The following ZNF451 variants were observed in gnomAD, a reference collection of about 807,000 sequenced individuals.
ZNF451 encodes zinc finger protein 451.
In ZNF451, 80 loss-of-function variants were observed where a neutral mutation model predicts 107.1. That is an observed-to-expected ratio of 0.75 (90% CI 0.62 to 0.90). ZNF451 has a LOEUF of 0.90. ZNF451 is among the 40% of genes least tolerant of loss of function. The pLI is 0.00. For synonymous variants in ZNF451, 362 were observed against 406.5 expected (o/e 0.89, Z 1.32); for missense variants, 1,107 against 1,236.2 (o/e 0.90, Z 1.57).
chr6:57,150,640 CT>C, intron 10 of ZNF451, 78 bp from the exon 11 acceptor site: 1 of 1,439,300 alleles, frequency 6.9e-7, no homozygotes, highest in Non-Finnish European at 9.4e-7. Flanking sequence ...TATTAGGCTT[CT>C]AATACTTTTT....
intron 6 of ZNF451, among the ~76,000 whole-genome samples, chr6:57,133,534 T>C (rs906768898): frequency 6.6e-6 from 1 of 152,190 alleles, no homozygotes; most frequent in Non-Finnish European, 1.5e-5. Flanking sequence ...AAGGAGCGTG[T>C]ACAGACATTT....
chr6:57,119,604 A>G (rs1830537952), intron 3 of ZNF451, among the ~76,000 whole-genome samples: 1 of 152,122 alleles, frequency 6.6e-6, no homozygotes, highest in Admixed American at 6.5e-5. Flanking sequence ...TTTTAGGTAC[A>G]CCATAAAATT....
chr6:57,168,479 T>C lies in ZNF451; in HGVS notation c.*10T>C, dbSNP rs375229400. 7 of 1,602,618 alleles carry C rather than the reference T, an allele frequency of 4.4e-6. No individual in the cohort carries two copies. In the South Asian group the frequency reaches 4.5e-5, roughly 10 times the overall value. ...TCTTGAGGAAATGTAATTAAAGATA[T>C]TACCACACAACATCAAGTGGCCTTG... is the stretch of plus-strand genomic sequence containing the variant. On this transcript the variant is annotated 3_prime_UTR_variant, in exon 15 of 15. Transcript: ENST00000370706.
At chr6:57,155,354 C>T (rs183799001) in intron 13 of ZNF451, among the ~76,000 whole-genome samples, 10 of 152,140 alleles carry the variant, frequency 6.6e-5, no homozygotes, top group Non-Finnish European at 1.3e-4. Flanking sequence ...GGCATGGTGG[C>T]GGTTGCCTGT....
rs1337546101 is a variant in ZNF451, at chr6:57,141,290, C to T, written c.703-12C>T. ...TTAGTTTTCCATAATACAGCTTTGT[C>T]TTATATTTTAGGAAGCCACAGATGA... is the stretch of plus-strand genomic sequence containing the variant. On this transcript the variant is annotated splice_polypyrimidine_tract_variant and intron_variant, in intron 7 of 14. Transcript: ENST00000370706. 1 of 1,589,878 alleles carries T rather than the reference C, an allele frequency of 6.3e-7. No homozygotes were observed. Among genetic ancestry groups the T allele is most frequent in the Admixed American group, 1.7e-5 (1 of 57,882 alleles).
At chr6:57,159,563 C>T (rs1466859598) in intron 13 of ZNF451, 2 of 183,072 alleles carry the variant, frequency 1.1e-5, no homozygotes, top group Admixed American at 1.5e-4. Context: ...TTATTTTGCT[C>T]ATGGGCTATC....
intron 3 of ZNF451, chr6:57,108,812 G>A (rs1829987779): frequency 1.0e-6 from 1 of 985,262 alleles, no homozygotes; most frequent in African/African-American, 1.7e-5. Flanking sequence ...TGATTGCAAG[G>A]CACTCTTGAG....
chr6:57,102,397 T>C (rs1357873316), intron 3 of ZNF451: 6 of 1,057,328 alleles, frequency 5.7e-6, no homozygotes, highest in Non-Finnish European at 6.8e-6. Context: ...CTGAATCCTC[T>C]TGTGATTAAA....
rs183052572 is a variant in ZNF451 at position 57,151,038 on chromosome 6, A to G, written c.2752+176A>G. On this transcript the variant is annotated intron_variant, in intron 11 of 14. Transcript: ENST00000370706. ...GTTTTCTTTACATGCCTCTGTGGTA[A>G]ATGTTAGCTCTATCTGGTGACTCAA... The G allele has an allele frequency of 5.3e-5, 39 of 733,792 alleles. 1 individual carries two copies. In the East Asian group the frequency reaches 1.1e-3, roughly 20 times the overall value. The allele number at this position is 733,792 out of a possible 1,614,324, so 45.5% of individuals were successfully genotyped here.
At chr6:57,102,974 T>C in intron 3 of ZNF451, 2 of 985,442 alleles carry the variant, frequency 2.0e-6, no homozygotes, top group Non-Finnish European at 2.4e-6. Flanking sequence ...AGTCTCTCAC[T>C]GTAAGCTGGG....
At chr6:57,155,568 A>G (rs1470083423) in intron 13 of ZNF451, among the ~76,000 whole-genome samples, 1 of 152,194 alleles carries the variant, frequency 6.6e-6, no homozygotes, top group Non-Finnish European at 1.5e-5. Context: ...CCTATAAGAT[A>G]AAGTTTTACC....
intron 2 of ZNF451, among the ~76,000 whole-genome samples, chr6:57,093,284 T>C (rs1415258254): frequency 6.6e-6 from 1 of 152,218 alleles, no homozygotes; most frequent in Non-Finnish European, 1.5e-5. Flanking sequence ...GCCAAGATTA[T>C]TGATATAGTG....
At position 57,124,830 on chromosome 6, in the gene ZNF451, CAGAA is replaced by C; in HGVS notation, c.288_291del (p.Glu97ArgfsTer41). ...CCGCCATGTTGAAGTGGAGAAACAG[CAGAA>C]AGAAGAGAAGAATAGAGCATTCAGA... On this transcript the variant is annotated frameshift_variant, in exon 4 of 15. Coordinates refer to ENST00000370706, the MANE Select transcript of ZNF451 (RefSeq NM_001031623.3). LOFTEE classifies it high-confidence loss of function. 6.2e-7 allele frequency: 1 copy of C among 1,609,986 alleles called. No homozygotes were observed.
chr6:57,103,836 G>A (rs965634130), intron 3 of ZNF451: 16 of 985,014 alleles, frequency 1.6e-5, no homozygotes, highest in Non-Finnish European at 1.9e-5. Context: ...ATAATCTATT[G>A]GAAGCTCATT....
intron 3 of ZNF451, among the ~76,000 whole-genome samples, chr6:57,119,682 C>T (rs751646486): frequency 2.0e-5 from 3 of 152,150 alleles, no homozygotes; most frequent in Admixed American, 2.0e-4. Context: ...GCAAAACCTC[C>T]ACTATCCTCA....
chr6:57,142,532 A>G (rs1359903051), intron 9 of ZNF451, among the ~76,000 whole-genome samples: 3 of 152,180 alleles, frequency 2.0e-5, no homozygotes, highest in African/African-American at 7.2e-5. Flanking sequence ...ATTGTTTAGT[A>G]CATTGTTCCT....
chr6:57,142,030 T>G lies in ZNF451; in HGVS notation c.939T>G (p.Phe313Leu). Residue 313 changes from phenylalanine to leucine, a missense_variant, in exon 9 of 15, where the codon TTT (phenylalanine) becomes TTG (leucine). Phe to Leu is a conservative substitution (Grantham distance 22). Coordinates refer to ENST00000370706, the MANE Select transcript of ZNF451 (RefSeq NM_001031623.3). Reference sequence around the variant, plus strand: ...TCTCTCTGTGCAAAGATGTTCCCTTTCAAGTTAAGTGTGTGGCCTGCCACA... The same window carrying G: ...TCTCTCTGTGCAAAGATGTTCCCTTGCAAGTTAAGTGTGTGGCCTGCCACA... ...LLISLCKDVP[F>L]QVKCVACHKT... The G allele has an allele frequency of 6.2e-7, 1 of 1,614,148 alleles. No homozygotes were observed. The highest frequency in any genetic ancestry group is 1.6e-4 in the Middle Eastern group (1 of 6,062).
At chr6:57,092,613 A>G (rs1829101603) in intron 2 of ZNF451, among the ~76,000 whole-genome samples, 1 of 152,236 alleles carries the variant, frequency 6.6e-6, no homozygotes, top group African/African-American at 2.4e-5. Flanking sequence ...CAGAATCTTT[A>G]CTTTTCTCTG....
Position 57,141,951 on chromosome 6 carries a change from A to T in ZNF451, c.860A>T (p.Asn287Ile). 2 of 1,612,884 alleles carry T rather than the reference A, an allele frequency of 1.2e-6. No individual in the cohort carries two copies. Among genetic ancestry groups the T allele is most frequent in the Non-Finnish European group, 1.7e-6 (2 of 1,179,168 alleles). The change falls in exon 9 of 15, where the codon AAC (asparagine) becomes ATC (isoleucine). Residue 287 changes from asparagine (N) to isoleucine (I), a missense_variant. Physicochemically the swap from Asn to Ile is moderately radical, Grantham distance 149. Around this residue, in one of 5 missense-constraint regions of ZNF451, gnomAD observed 339 missense variants for 372.8 expected, o/e 0.91. Transcript: ENST00000370706. ...HFHQSFKLGD[N>I]KGIAHPISFP... Reference sequence around the variant, plus strand: ...TATAGTTTATTTTGTCTTTCAGATAACAAAGGAATTGCACATCCAATATCT... The same window carrying T: ...TATAGTTTATTTTGTCTTTCAGATATCAAAGGAATTGCACATCCAATATCT...
Sources: gnomAD v4.1 joint callset for allele counts (sites outside exome capture counted in the v4.1 genomes callset) on GRCh38, gnomAD v4.1.1 for gene constraint, gnomAD v4.1.1 regional missense constraint, MANE v1.5 for transcripts, NCBI Gene and HGNC (gene_info 2026-07-23, HGNC 2026-07-21) for gene names.